The following SEC31A variants were observed in gnomAD, a reference collection of about 807,000 sequenced individuals.
SEC31A encodes the protein protein transport protein Sec31A.
In SEC31A, 70 loss-of-function variants were observed where a neutral mutation model predicts 151.0. That is an observed-to-expected ratio of 0.46 (90% CI 0.38 to 0.57). The LOEUF is 0.57. SEC31A is among the 20% of genes least tolerant of loss of function. SEC31A has a pLI of 0.00. For missense variants in SEC31A, 1,330 were observed against 1,471.2 expected, an observed-to-expected ratio of 0.90 and a Z score of 1.57; for synonymous variants, 475 against 505.9, an observed-to-expected ratio of 0.94 and a Z score of 0.82.
chr4:82,898,579 TA>T (rs1480731109), intron 3 of SEC31A, among the ~76,000 whole-genome samples: 3 of 152,168 alleles, frequency 2.0e-5, no homozygotes, highest in Non-Finnish European at 4.4e-5. Context: ...GCAATCCAAT[TA>T]AACAGGAAAG....
At chr4:82,871,870 T>A in intron 7 of SEC31A, 74 bp downstream of exon 7, 2 of 1,602,682 alleles carry the variant, frequency 1.2e-6, no homozygotes, top group South Asian at 2.2e-5. Flanking sequence ...TATGGTGTAT[T>A]TCTGGTCACG....
Position 82,819,010 on chromosome 4 carries a change from A to G in SEC31A, c.*64T>C. Reference sequence around the variant, plus strand: ...AATGAGGACTAGTCCATGTCTTATAATTTTTTTTTTTAACATGTTTCTTTG... The same window carrying G: ...AATGAGGACTAGTCCATGTCTTATAGTTTTTTTTTTTAACATGTTTCTTTG... On this transcript the variant is annotated 3_prime_UTR_variant, in exon 27 of 27. Transcript: ENST00000395310. 1 of 1,170,268 alleles carries G rather than the reference A, an allele frequency of 8.5e-7. No individual in the cohort carries two copies. Among genetic ancestry groups the G allele is most frequent in the South Asian group, 1.7e-5 (1 of 57,630 alleles). 72.5% of individuals were successfully genotyped at this position (1,170,268 alleles called of 1,614,324 possible).
In SEC31A at chr4:82,820,806, G is replaced by A. The variant is rs563689645; in HGVS notation, c.3483+231C>T. On this transcript the variant is annotated intron_variant, in intron 26 of 26. Coordinates refer to ENST00000395310, the MANE Select transcript of SEC31A (RefSeq NM_001077207.4). ...CAGTTTGTATTTATACTCTTGTTATGAGAGGGTTAAAATGTCTCTCTCAAC... is the reference window on the plus strand; with the variant it reads ...CAGTTTGTATTTATACTCTTGTTATAAGAGGGTTAAAATGTCTCTCTCAAC... 4.3e-4 allele frequency among the ~76,000 whole-genome samples: 65 copies of A among 152,154 alleles called. 1 individual carries two copies. Among genetic ancestry groups the A allele is most frequent in the South Asian group, 1.0e-3 (5 of 4,826 alleles).
intron 5 of SEC31A, 64 bp downstream of exon 5, chr4:82,875,663 G>C: frequency 1.2e-6 from 1 of 843,014 alleles, no homozygotes; most frequent in Non-Finnish European, 1.9e-6. Context: ...AGTGAAATAA[G>C]TAGGTTTAGG....
intron 12 of SEC31A, 126 bp downstream of exon 12, chr4:82,863,192 G>C (rs920828683): frequency 1.6e-6 from 1 of 614,876 alleles, no homozygotes; most frequent in Admixed American, 3.8e-5. Flanking sequence ...GGGAAAAAAC[G>C]CTGGCAACCA....
intron 22 of SEC31A, among the ~76,000 whole-genome samples, chr4:82,836,463 T>TAGAC (rs1371840101): frequency 6.7e-6 from 1 of 149,698 alleles, no homozygotes; most frequent in Non-Finnish European, 1.5e-5. Flanking sequence ...TTATTCACAA[T>TAGAC]AGACAAAGTG....
chr4:82,879,621 C>T lies in SEC31A; in HGVS notation c.204-693G>A, dbSNP rs544817046. On this transcript the variant is annotated intron_variant, in intron 3 of 26. Transcript: ENST00000395310. ...AGAAAAACTACTAGACAAAAGGTAT[C>T]TGGGGTTCCCATCCCACTGTGACAG... Among the ~76,000 whole-genome samples, 4 of 152,328 alleles carry T rather than the reference C, an allele frequency of 2.6e-5. No individual in the cohort carries two copies. In the South Asian group the frequency reaches 8.3e-4, roughly 32 times the overall value.
chr4:82,893,611 C>T (rs1394001526), upstream of SEC31A: 1 of 152,128 alleles, frequency 6.6e-6, no homozygotes, highest in East Asian at 1.9e-4. Context: ...AAATTTGTAT[C>T]AACTTGTTTG....
chr4:82,854,441 T>C (rs907444964), intron 17 of SEC31A, among the ~76,000 whole-genome samples: 52 of 152,348 alleles, frequency 3.4e-4, no homozygotes, highest in African/African-American at 1.2e-3. Context: ...AAATGGCTAT[T>C]TGTTTTTATA....
Position 82,853,666 on chromosome 4 carries a change from A to G in SEC31A, c.2058T>C (p.Thr686=). ...LENEGDSLLQ[T]QACLCYICAG... is the part of the protein sequence containing the mutation. ...CACAAATATAGCAGAGACATGCTTGAGTCTGCAGGAGGCTATCTCCTTCAT... is the reference window on the plus strand; with the variant it reads ...CACAAATATAGCAGAGACATGCTTGGGTCTGCAGGAGGCTATCTCCTTCAT... Residue 686 remains threonine (T), a synonymous_variant, in exon 18 of 27, where the codon ACT becomes ACC. Transcript: ENST00000395310. 1 of 1,600,464 alleles carries G rather than the reference A, an allele frequency of 6.2e-7. No individual in the cohort carries two copies. The highest frequency in any genetic ancestry group is 8.5e-7 in the Non-Finnish European group (1 of 1,176,236).
chr4:82,886,261 T>C (rs1478446154), intron 1 of SEC31A, among the ~76,000 whole-genome samples: 1 of 152,214 alleles, frequency 6.6e-6, no homozygotes, highest in African/African-American at 2.4e-5. Flanking sequence ...TATCACATGG[T>C]TAAAAGCATG....
rs764634341 is a variant in SEC31A at position 82,861,701 on chromosome 4, T to C, written c.1556A>G (p.Lys519Arg). 6.2e-7 allele frequency: 1 copy of C among 1,606,440 alleles called. No homozygotes were observed. Among genetic ancestry groups the C allele is most frequent in the South Asian group, 1.1e-5 (1 of 90,286 alleles). The change falls in exon 14 of 27, where the codon AAA (lysine) becomes AGA (arginine). Residue 519 changes from lysine to arginine, a missense_variant. Coordinates refer to ENST00000395310, the MANE Select transcript of SEC31A (RefSeq NM_001077207.4). ...ACTCTGTGCTACTTGGTCAGAGTCTTTAAGAGCCTTTGGTACACAAAACAA... is the reference window on the plus strand; with the variant it reads ...ACTCTGTGCTACTTGGTCAGAGTCTCTAAGAGCCTTTGGTACACAAAACAA... ...NKVDGANVAL[K>R]DSDQVAQSDG...
intron 1 of SEC31A, among the ~76,000 whole-genome samples, chr4:82,888,627 T>C (rs1741506106): frequency 6.6e-6 from 1 of 151,708 alleles, no homozygotes; most frequent in South Asian, 2.1e-4. Context: ...TGACGGAGTT[T>C]GCAGTGAGCC....
chr4:82,836,625 T>C (rs1727374915), intron 22 of SEC31A, among the ~76,000 whole-genome samples: 2 of 151,958 alleles, frequency 1.3e-5, no homozygotes, highest in East Asian at 1.9e-4. Context: ...AAAGGACAAA[T>C]GTTGCATGAT....
At chr4:82,845,653 GTAAT>G (rs545901275) in intron 20 of SEC31A, among the ~76,000 whole-genome samples, 2 of 147,824 alleles carry the variant, frequency 1.4e-5, no homozygotes, top group Admixed American at 6.7e-5. Flanking sequence ...AAAAAAAAAA[GTAAT>G]TGAGTAAAAA....
chr4:82,893,875 A>G (rs1719946650), upstream of SEC31A: 1 of 152,232 alleles, frequency 6.6e-6, no homozygotes, highest in African/African-American at 2.4e-5. Flanking sequence ...ATCTACATCA[A>G]TGCAGTTTCT....
At chr4:82,871,377 G>A (rs1736637254) in intron 7 of SEC31A, 2 of 1,523,402 alleles carry the variant, frequency 1.3e-6, no homozygotes, top group Admixed American at 2.0e-5. Context: ...CCTATGGATG[G>A]GCATGAAATC....
Position 82,874,577 on chromosome 4 carries a change from C to T in SEC31A, c.639+34G>A, listed in dbSNP as rs760204337. On this transcript the variant is annotated intron_variant, in intron 6 of 26. Coordinates refer to ENST00000395310, the MANE Select transcript of SEC31A (RefSeq NM_001077207.4). Reference sequence around the variant, plus strand: ...TATAGGAATACCTACAGCAGAAATACAACATGTTCATCACAAGTCAATCAC... The same window carrying T: ...TATAGGAATACCTACAGCAGAAATATAACATGTTCATCACAAGTCAATCAC... 3.8e-6 allele frequency: 6 copies of T among 1,560,616 alleles called. 1 individual carries two copies. The South Asian group carries it at 6.0e-5, about 16-fold the overall frequency.
At chr4:82,879,642 G>A (rs960256928) in intron 3 of SEC31A, among the ~76,000 whole-genome samples, 1 of 152,172 alleles carries the variant, frequency 6.6e-6, no homozygotes, top group Non-Finnish European at 1.5e-5. Context: ...ATCCCACTGT[G>A]ACAGCTCTGA....
Sources: gnomAD v4.1 joint callset for allele counts (sites outside exome capture counted in the v4.1 genomes callset) on GRCh38, gnomAD v4.1.1 for gene constraint, MANE v1.5 for transcripts, NCBI Gene and HGNC (gene_info 2026-07-23, HGNC 2026-07-21) for gene names.